NFASC: variants seen among roughly 807,000 people sequenced by gnomAD.
NFASC encodes neurofascin, also known as neurofascin homolog.
In NFASC, 43 loss-of-function variants were observed where a neutral mutation model predicts 147.5. The observed-to-expected ratio is 0.29, with a 90% CI of 0.23 to 0.38. The LOEUF (loss-of-function observed/expected upper bound fraction) is 0.38, where lower values mean the gene tolerates loss of function less well. Ranked by LOEUF, NFASC falls within the 10% of genes least tolerant of loss-of-function variation. The pLI, the probability that NFASC is intolerant of heterozygous loss-of-function variation, is 1.00. For missense variants in NFASC, 1,320 were observed against 1,689.0 expected, an observed-to-expected ratio of 0.78 and a Z score of 3.83; for synonymous variants, 622 against 665.5, an observed-to-expected ratio of 0.93 and a Z score of 1.01.
At chr1:204,924,345 TC>T (rs1236136565) in intron 2 of NFASC, among the ~76,000 whole-genome samples, 1 of 152,198 alleles carries the variant, frequency 6.6e-6, no homozygotes, top group Admixed American at 6.5e-5. Context: ...CTTAGTTCTT[TC>T]CTCTCTATGC....
At chr1:204,982,693 C>T (rs1324461111) in intron 21 of NFASC, among the ~76,000 whole-genome samples, 1 of 152,212 alleles carries the variant, frequency 6.6e-6, no homozygotes, top group Non-Finnish European at 1.5e-5. Context: ...GCCTCTCTGT[C>T]CCCAGCACAT....
chr1:204,938,135 G>A (rs2093033822), intron 2 of NFASC, among the ~76,000 whole-genome samples: 2 of 152,236 alleles, frequency 1.3e-5, no homozygotes, highest in Admixed American at 1.3e-4. Flanking sequence ...GCTCGTGGGA[G>A]CCACGGGATC....
intron 1 of NFASC, among the ~76,000 whole-genome samples, chr1:204,865,813 G>A (rs1477234024): frequency 6.6e-6 from 1 of 152,102 alleles, no homozygotes; most frequent in Non-Finnish European, 1.5e-5. Context: ...CATAGTGCTG[G>A]CTTCTGTTGG....
intron 17 of NFASC, 85 bp downstream of exon 17, chr1:204,977,810 G>A (rs889939141): frequency 2.3e-6 from 3 of 1,304,324 alleles, no homozygotes; most frequent in Non-Finnish European, 2.2e-6. Context: ...GCCACTTTGG[G>A]AAAGGGCGAC....
chr1:204,949,623 C>T (rs572895771), intron 3 of NFASC, among the ~76,000 whole-genome samples: 1 of 152,344 alleles, frequency 6.6e-6, no homozygotes, highest in East Asian at 1.9e-4. Flanking sequence ...CATCTAAAAC[C>T]TTCCTATGCA....
chr1:204,869,301 C>A (rs879945198), intron 1 of NFASC, among the ~76,000 whole-genome samples: 3 of 152,170 alleles, frequency 2.0e-5, no homozygotes, highest in Non-Finnish European at 4.4e-5. Flanking sequence ...GGGCGCCATA[C>A]CACAATGAGT....
chr1:204,991,506 C>A (rs766679743), intron 24 of NFASC, among the ~76,000 whole-genome samples, 200 bp downstream of exon 24: 2 of 152,236 alleles, frequency 1.3e-5, no homozygotes, highest in African/African-American at 4.8e-5. Context: ...CACTTTCCCC[C>A]CTTCCCAAAC....
chr1:204,886,980 T>C (rs550467134), intron 1 of NFASC, among the ~76,000 whole-genome samples: 5 of 152,272 alleles, frequency 3.3e-5, no homozygotes, highest in Non-Finnish European at 7.4e-5. Context: ...TTAAAAAAAA[T>C]TGTGATAAAA....
chr1:204,882,242 T>C (rs7535098), intron 1 of NFASC, among the ~76,000 whole-genome samples: 10,606 of 152,152 alleles, frequency 0.07, 1,053 homozygotes, highest in East Asian at 0.21. Flanking sequence ...GGCCATGCCT[T>C]CCTTCATGCT....
intron 24 of NFASC, 96 bp from the exon 25 acceptor site, chr1:204,997,074 C>A: frequency 6.5e-7 from 1 of 1,538,912 alleles, no homozygotes. Context: ...AGCCCCGTCT[C>A]CTCACCGGGC....
Position 205,002,610 on chromosome 1 carries a change from A to G in NFASC, c.3151A>G (p.Lys1051Glu). ...VEYIDSNHTK[K>E]TVPVKAQAQP... ...CTGTTCCCCAGGCAACCATACGAAA[A>G]AAACTGTCCCAGTTAAGGCCCAGGC... The change falls in exon 27 of 30, where the codon AAA becomes GAA. Residue 1051 changes from lysine to glutamate, a missense_variant. Coordinates refer to ENST00000339876, the MANE Select transcript of NFASC (RefSeq NM_001005388.3). 6.5e-7 allele frequency: 1 copy of G among 1,526,802 alleles called. No individual in the cohort carries two copies. 94.6% of individuals were successfully genotyped at this position (1,526,802 alleles called of 1,614,324 possible).
At chr1:204,989,006 A>G (rs1317369008) in intron 23 of NFASC, 200 bp downstream of exon 23, 1 of 604,092 alleles carries the variant, frequency 1.7e-6, no homozygotes, top group East Asian at 2.8e-5. Flanking sequence ...CTCTCCTTGG[A>G]CCACTGTGGT....
At chr1:205,000,236 C>G (rs1010181339) in intron 25 of NFASC, 1 of 152,290 alleles carries the variant, frequency 6.6e-6, no homozygotes, top group Middle Eastern at 3.4e-3. Flanking sequence ...TTCTCTTGGT[C>G]GCACCTAGTC....
At chr1:204,915,969 A>T (rs998878052) in intron 1 of NFASC, among the ~76,000 whole-genome samples, 2 of 152,098 alleles carry the variant, frequency 1.3e-5, no homozygotes, top group Non-Finnish European at 2.9e-5. Flanking sequence ...CTGGTTAGCA[A>T]CCCCAGACAC....
At chr1:204,895,895 T>C (rs1029284674) in intron 1 of NFASC, among the ~76,000 whole-genome samples, 9 of 152,168 alleles carry the variant, frequency 5.9e-5, no homozygotes, top group African/African-American at 2.2e-4. Flanking sequence ...CTTAGAGATA[T>C]AGGATCCTCA....
At chr1:204,967,473 G>A (rs1164972784) in intron 8 of NFASC, among the ~76,000 whole-genome samples, 2 of 152,056 alleles carry the variant, frequency 1.3e-5, no homozygotes, top group African/African-American at 2.4e-5. Context: ...TTCAAGACCT[G>A]CATGAATCTC....
Position 204,913,892 on chromosome 1 carries a change from C to CAAA in NFASC, c.-199-6730_-199-6728dup, listed in dbSNP as rs571860073. 2.8e-5 allele frequency among the ~76,000 whole-genome samples: 3 copies of CAAA among 107,850 alleles called. No homozygotes were observed. In the East Asian group the frequency reaches 8.0e-4, roughly 29 times the overall value. The allele number at this position is 107,850 out of a possible 152,430, so 70.8% of individuals were successfully genotyped here. On this transcript the variant is annotated intron_variant, in intron 1 of 29. Transcript: ENST00000339876. The stretch of plus-strand genomic sequence containing the variant: ...TGGGCAACACAGCAAGACCCTGTCT[C>CAAA]AAAAAAAAAAAAGAAAAGAAAAAAG...
At chr1:204,937,685 C>T (rs747971608) in intron 2 of NFASC, among the ~76,000 whole-genome samples, 29 of 152,288 alleles carry the variant, frequency 1.9e-4, no homozygotes, top group African/African-American at 5.1e-4. Context: ...TTTCTCCATC[C>T]GCTGATGGGA....
Position 205,001,181 on chromosome 1 carries a change from C to A in NFASC, c.3031C>A (p.Gln1011Lys). The A allele has an allele frequency of 1.2e-6, 2 of 1,607,558 alleles. No individual in the cohort carries two copies. The highest frequency in any genetic ancestry group is 8.5e-7 in the Non-Finnish European group (1 of 1,175,916). ...AACCCGTCCACCAGCCCCTGATGAG[C>A]AGTCCATATGGAACGTCACGGTGCT... Reference protein sequence around the residue: ...TKIHESAPDEQSIWNVTVLPN... With the variant: ...TKIHESAPDEKSIWNVTVLPN... Residue 1011 changes from glutamine to lysine, a missense_variant, in exon 26 of 30, where the codon CAG becomes AAG. Coordinates refer to ENST00000339876, the MANE Select transcript of NFASC (RefSeq NM_001005388.3).
Sources: gnomAD v4.1 joint callset for allele counts (sites outside exome capture counted in the v4.1 genomes callset) on GRCh38, gnomAD v4.1.1 for gene constraint, MANE v1.5 for transcripts, NCBI Gene and HGNC (gene_info 2026-07-23, HGNC 2026-07-21) for gene names.